GULP1: variants seen among roughly 807,000 people sequenced by gnomAD.
GULP1 encodes GULP PTB domain containing engulfment adaptor 1, also known as PTB domain-containing engulfment adapter protein 1.
Under a neutral mutation model 40.9 loss-of-function variants are expected in GULP1, and 19 were observed. That is an observed-to-expected ratio of 0.46 (90% CI 0.32 to 0.68). GULP1 has a LOEUF of 0.68. GULP1 is among the 30% of genes least tolerant of loss of function. The pLI is 0.03. For synonymous variants in GULP1, 119 were observed against 117.6 expected, an observed-to-expected ratio of 1.01 and a Z score of -0.08; for missense variants, 312 against 362.2, an observed-to-expected ratio of 0.86 and a Z score of 1.12.
At chr2:188,303,366 G>T (rs2106138559) in intron 1 of GULP1, among the ~76,000 whole-genome samples, 1 of 152,276 alleles carries the variant, frequency 6.6e-6, no homozygotes, top group Admixed American at 6.5e-5. Flanking sequence ...TAAGCAGGAG[G>T]TGGAGGCAAG....
intron 4 of GULP1, among the ~76,000 whole-genome samples, chr2:188,487,464 G>A (rs1009480836): frequency 6.6e-6 from 1 of 151,906 alleles, no homozygotes; most frequent in African/African-American, 2.4e-5. Flanking sequence ...GTGAGCAAAT[G>A]TAAAACAAAT....
intron 2 of GULP1, among the ~76,000 whole-genome samples, chr2:188,456,768 C>T (rs193281320): frequency 3.9e-5 from 6 of 152,156 alleles, no homozygotes; most frequent in East Asian, 3.9e-4. Context: ...GAGCTTGTAC[C>T]GTGCACCTGG....
At chr2:188,505,430 G>C (rs754512846) in intron 4 of GULP1, among the ~76,000 whole-genome samples, 5 of 151,496 alleles carry the variant, frequency 3.3e-5, no homozygotes, top group African/African-American at 7.3e-5. Flanking sequence ...TGTAACGCTT[G>C]GTTCATAGTT....
chr2:188,382,502 C>T (rs555335250), intron 1 of GULP1, among the ~76,000 whole-genome samples: 150 of 152,310 alleles, frequency 9.8e-4, no homozygotes, highest in Non-Finnish European at 1.6e-3. Context: ...AAATAAACTT[C>T]TCGCATTGAA....
At chr2:188,313,742 A>G (rs2038593018) in intron 1 of GULP1, among the ~76,000 whole-genome samples, 1 of 152,194 alleles carries the variant, frequency 6.6e-6, no homozygotes, top group Non-Finnish European at 1.5e-5. Context: ...TTTCCTATCC[A>G]TGAGGATGGA....
chr2:188,352,672 T>G (rs988243578), intron 1 of GULP1, among the ~76,000 whole-genome samples: 2 of 134,290 alleles, frequency 1.5e-5, no homozygotes, highest in African/African-American at 2.7e-5. Flanking sequence ...TGGAGAACCC[T>G]GACTAAATAA....
intron 1 of GULP1, among the ~76,000 whole-genome samples, chr2:188,325,669 C>G (rs1327291784): frequency 6.6e-6 from 1 of 151,990 alleles, no homozygotes; most frequent in Non-Finnish European, 1.5e-5. Flanking sequence ...GGCTTTTTAT[C>G]CTATCTCCCT....
chr2:188,543,829 T>C (rs1031263156), intron 7 of GULP1, among the ~76,000 whole-genome samples: 29 of 152,200 alleles, frequency 1.9e-4, no homozygotes, highest in African/African-American at 6.8e-4. Flanking sequence ...TCTGCTCTTA[T>C]TGGGGACTTT....
intron 1 of GULP1, among the ~76,000 whole-genome samples, chr2:188,347,315 A>G (rs920106375): frequency 3.3e-5 from 5 of 152,292 alleles, no homozygotes; most frequent in African/African-American, 1.2e-4. Flanking sequence ...AAACCCGGGA[A>G]GATGGACCCA....
intron 1 of GULP1, among the ~76,000 whole-genome samples, chr2:188,312,101 A>G (rs866399104): frequency 2.6e-5 from 4 of 151,794 alleles, no homozygotes; most frequent in South Asian, 4.2e-4. Flanking sequence ...TAGATTTGCT[A>G]TTGTCTTTCT....
At chr2:188,585,516 A>C (rs1702187566) in intron 10 of GULP1, among the ~76,000 whole-genome samples, 1 of 152,180 alleles carries the variant, frequency 6.6e-6, no homozygotes. Context: ...GAGGCTCCCA[A>C]AGCTCAACTC....
intron 9 of GULP1, among the ~76,000 whole-genome samples, chr2:188,572,639 C>A (rs1430652261): frequency 6.6e-6 from 1 of 152,104 alleles, no homozygotes. Context: ...TGTCACATGG[C>A]TTTTTAGCTC....
chr2:188,517,141 T>C (rs906432469), intron 4 of GULP1, among the ~76,000 whole-genome samples: 7 of 152,152 alleles, frequency 4.6e-5, no homozygotes, highest in African/African-American at 1.4e-4. Flanking sequence ...TAACAGATAA[T>C]ATTGTATGTT....
At chr2:188,331,267 C>T (rs1361696566) in intron 1 of GULP1, among the ~76,000 whole-genome samples, 1 of 152,156 alleles carries the variant, frequency 6.6e-6, no homozygotes, top group African/African-American at 2.4e-5. Flanking sequence ...CACCACATCC[C>T]TGAGACTAGT....
intron 2 of GULP1, among the ~76,000 whole-genome samples, chr2:188,436,238 G>GT (rs2057394563): frequency 6.6e-6 from 1 of 151,864 alleles, no homozygotes; most frequent in South Asian, 2.1e-4. Context: ...TTGTTTGTTT[G>GT]TTTTGCTATT....
At chr2:188,466,291 T>C (rs560171889) in intron 2 of GULP1, among the ~76,000 whole-genome samples, 48 of 147,544 alleles carry the variant, frequency 3.3e-4, no homozygotes, top group African/African-American at 1.2e-3. Flanking sequence ...TGGTTTTTTT[T>C]TCCCCCCCCG....
At chr2:188,331,037 A>C (rs1474028013) in intron 1 of GULP1, among the ~76,000 whole-genome samples, 2 of 152,212 alleles carry the variant, frequency 1.3e-5, no homozygotes, top group Non-Finnish European at 2.9e-5. Flanking sequence ...TTTTTGTTAG[A>C]TTTGAGAGCT....
At chr2:188,342,534 G>A (rs146935188) in intron 1 of GULP1, among the ~76,000 whole-genome samples, 106 of 152,210 alleles carry the variant, frequency 7.0e-4, no homozygotes, top group South Asian at 2.3e-3. Context: ...CACAGATACC[G>A]GGGGTTAGGA....
intron 9 of GULP1, among the ~76,000 whole-genome samples, chr2:188,571,525 A>G (rs939903251): frequency 2.6e-5 from 4 of 152,128 alleles, no homozygotes; most frequent in African/African-American, 9.7e-5. Flanking sequence ...TGAGGTACCA[A>G]TGTATCTATG....
Sources: gnomAD v4.1 joint callset for allele counts (sites outside exome capture counted in the v4.1 genomes callset) on GRCh38, gnomAD v4.1.1 for gene constraint, MANE v1.5 for transcripts, NCBI Gene and HGNC (gene_info 2026-07-23, HGNC 2026-07-21) for gene names.